Variants in RNLS observed in about 807,000 individuals in gnomAD.
RNLS encodes the protein renalase, FAD dependent amine oxidase.
A neutral mutation model predicts 39.8 loss-of-function variants in RNLS; 39 were observed. The ratio of observed to expected loss-of-function variants is 0.98; its 90% CI spans 0.76 to 1.28. The LOEUF (loss-of-function observed/expected upper bound fraction) is 1.28. Ranked by LOEUF, RNLS falls within the 50% of genes most tolerant of loss-of-function variation. The probability of loss-of-function intolerance (pLI) is 0.00; values close to 1 mark genes in which losing one functional copy is unlikely to be tolerated. For synonymous variants in RNLS, 147 were observed against 150.7 expected (o/e 0.98, Z 0.18); for missense variants, 410 against 413.3 (o/e 0.99, Z 0.07).
intron 4 of RNLS, among the ~76,000 whole-genome samples, chr10:88,476,373 T>G (rs1416460377): frequency 3.3e-5 from 5 of 152,178 alleles, no homozygotes; most frequent in Non-Finnish European, 5.9e-5. Flanking sequence ...TTTCAATATC[T>G]AATCCATTGT....
At chr10:88,487,457 G>T (rs1844602342) in intron 4 of RNLS, among the ~76,000 whole-genome samples, 1 of 151,568 alleles carries the variant, frequency 6.6e-6, no homozygotes, top group South Asian at 2.1e-4. Context: ...ACATATAGAT[G>T]GTAAATAAGC....
At chr10:88,453,824 TTGAG>T (rs995571260) in intron 4 of RNLS, among the ~76,000 whole-genome samples, 1 of 152,266 alleles carries the variant, frequency 6.6e-6, no homozygotes, top group African/African-American at 2.4e-5. Context: ...CAAAATATTC[TTGAG>T]TATTACCACT....
chr10:88,309,100 A>C (rs544989566), intron 6 of RNLS, among the ~76,000 whole-genome samples: 1 of 152,152 alleles, frequency 6.6e-6, no homozygotes, highest in African/African-American at 2.4e-5. Flanking sequence ...AGAGGGGAAC[A>C]ATACACCCAA....
At chr10:88,582,925 C>T (rs1205841775) in intron 1 of RNLS, 148 bp downstream of exon 1, 1 of 921,536 alleles carries the variant, frequency 1.1e-6, no homozygotes, top group Non-Finnish European at 1.5e-6. Flanking sequence ...AGGCGCGCCA[C>T]TCGGCGCATG....
At chr10:88,398,258 TG>T (rs1304557247) in intron 4 of RNLS, among the ~76,000 whole-genome samples, 1 of 152,052 alleles carries the variant, frequency 6.6e-6, no homozygotes, top group African/African-American at 2.4e-5. Flanking sequence ...CTGTAATTTT[TG>T]TGAAAGGAAT....
chr10:88,190,873 C>T, the RNLS span, among the ~76,000 whole-genome samples: 1 of 152,186 alleles, frequency 6.6e-6, no homozygotes, highest in Non-Finnish European at 1.5e-5. Context: ...GTGCAGCCAT[C>T]CTCACTACAT....
At chr10:88,403,862 C>A (rs1378793307) in intron 4 of RNLS, among the ~76,000 whole-genome samples, 1 of 151,698 alleles carries the variant, frequency 6.6e-6, no homozygotes, top group Non-Finnish European at 1.5e-5. Flanking sequence ...TAGGGAGACC[C>A]TGTCTCTACA....
intron 4 of RNLS, among the ~76,000 whole-genome samples, chr10:88,481,531 C>T (rs966232024): frequency 3.9e-5 from 6 of 152,122 alleles, no homozygotes; most frequent in Non-Finnish European, 8.8e-5. Context: ...TCACAATCAA[C>T]TGCAGACTAA....
chr10:88,560,554 C>G (rs188027002), intron 4 of RNLS, among the ~76,000 whole-genome samples: 5 of 152,148 alleles, frequency 3.3e-5, no homozygotes, highest in African/African-American at 1.2e-4. Flanking sequence ...TCTTCCAAAC[C>G]CCGTAAGCAG....
chr10:88,580,672 T>C (rs1290686342), intron 3 of RNLS, among the ~76,000 whole-genome samples: 2 of 151,998 alleles, frequency 1.3e-5, no homozygotes, highest in South Asian at 2.1e-4. Flanking sequence ...TAATAGAAAA[T>C]GGGCAAAGGT....
At chr10:88,278,831 G>A (rs142552258) in intron 6 of RNLS, among the ~76,000 whole-genome samples, 1 of 152,294 alleles carries the variant, frequency 6.6e-6, no homozygotes, top group East Asian at 1.9e-4. Flanking sequence ...GATGAGGTTA[G>A]TACATTTTTG....
chr10:88,376,223 C>T (rs1437750418), intron 4 of RNLS, among the ~76,000 whole-genome samples: 1 of 152,070 alleles, frequency 6.6e-6, no homozygotes, highest in African/African-American at 2.4e-5. Context: ...CTGCCGGCAT[C>T]CACTGTTCCC....
intron 4 of RNLS, among the ~76,000 whole-genome samples, chr10:88,469,576 A>C (rs1843302257): frequency 6.6e-6 from 1 of 152,168 alleles, no homozygotes. Context: ...GAATTAAAGA[A>C]GGGTTTATTG....
At chr10:88,252,112 A>G in the RNLS span, among the ~76,000 whole-genome samples, 2 of 152,158 alleles carry the variant, frequency 1.3e-5, no homozygotes, top group African/African-American at 4.8e-5. Context: ...CTGGTGGGTC[A>G]CCTAACCTGC....
At chr10:88,352,540 G>C (rs1332011133) in intron 5 of RNLS, among the ~76,000 whole-genome samples, 1 of 152,218 alleles carries the variant, frequency 6.6e-6, no homozygotes, top group Non-Finnish European at 1.5e-5. Context: ...TTGCATCCCA[G>C]TGATGAAGCT....
chr10:88,203,683 A>C, the RNLS span, among the ~76,000 whole-genome samples: 1 of 150,496 alleles, frequency 6.6e-6, no homozygotes, highest in Non-Finnish European at 1.5e-5. Context: ...GCATGTGCTC[A>C]CTGAAGTCTG....
the RNLS span, among the ~76,000 whole-genome samples, chr10:88,256,841 GCC>G: frequency 1.3e-5 from 2 of 152,000 alleles, no homozygotes; most frequent in Non-Finnish European, 2.9e-5. Context: ...GGGTTGAAGG[GCC>G]ATTCACCCTC....
At position 88,449,808 on chromosome 10, in the gene RNLS, T is replaced by C. The variant is rs190237266; in HGVS notation, c.527-87083A>G. Among the ~76,000 whole-genome samples the C allele has an allele frequency of 1.9e-3, 294 of 152,248 alleles. 1 individual carries two copies. Among genetic ancestry groups the C allele is most frequent in the African/African-American group, 6.6e-3 (275 of 41,568 alleles). On this transcript the variant is annotated intron_variant, in intron 4 of 6. Transcript: ENST00000331772. ...TAGCAAAATATTATAAAATAAAATA[T>C]ATTGTTCCTTTTATTAATTTTTTAA...
In RNLS at chr10:88,380,346, G is replaced by A. The variant is rs559891805; in HGVS notation, c.527-17621C>T. Reference sequence around the variant, plus strand: ...ATCCGTTCATTGTTTTCATTTTTTAGTCTTGGGGTTTTGTATCTTTTTTTT... The same window carrying A: ...ATCCGTTCATTGTTTTCATTTTTTAATCTTGGGGTTTTGTATCTTTTTTTT... On this transcript the variant is annotated intron_variant, in intron 4 of 6. Coordinates refer to ENST00000331772, the MANE Select transcript of RNLS (RefSeq NM_001031709.3). 1.0e-4 allele frequency among the ~76,000 whole-genome samples: 14 copies of A among 136,496 alleles called. No homozygotes were observed. The South Asian group carries it at 3.3e-3, about 32-fold the overall frequency. The allele number at this position is 136,496 out of a possible 152,430, so 89.5% of individuals were successfully genotyped here.
Sources: gnomAD v4.1 joint callset for allele counts (sites outside exome capture counted in the v4.1 genomes callset) on GRCh38, gnomAD v4.1.1 for gene constraint, MANE v1.5 for transcripts, NCBI Gene and HGNC (gene_info 2026-07-23, HGNC 2026-07-21) for gene names.